The following KDM4A variants were observed in gnomAD, a reference collection of about 807,000 sequenced individuals.
KDM4A encodes the protein lysine-specific demethylase 4A.
KDM4A carries 23 observed loss-of-function variants against 127.1 expected under a neutral mutation model. The ratio of observed to expected loss-of-function variants is 0.18; its 90% CI spans 0.13 to 0.26. The LOEUF (loss-of-function observed/expected upper bound fraction) is 0.26, where lower values mean the gene tolerates loss of function less well. KDM4A is among the 10% of genes least tolerant of loss of function. The pLI is 1.00. For synonymous variants in KDM4A, 443 were observed against 466.5 expected (o/e 0.95, Z 0.65); for missense variants, 890 against 1,329.1 (o/e 0.67, Z 5.14).
intron 4 of KDM4A, among the ~76,000 whole-genome samples, chr1:43,662,590 G>C (rs1660409055): frequency 6.6e-6 from 1 of 152,210 alleles, no homozygotes; most frequent in African/African-American, 2.4e-5. Flanking sequence ...CTGAGCAACA[G>C]AGCGAGACTC....
chr1:43,664,115 A>G (rs1286674373), intron 5 of KDM4A, among the ~76,000 whole-genome samples: 1 of 152,196 alleles, frequency 6.6e-6, no homozygotes, highest in Non-Finnish European at 1.5e-5. Context: ...AGAAGGATAG[A>G]TGGGATTAAA....
rs11551207 is a variant in KDM4A, at chr1:43,704,782, T to C, written c.*412T>C. ...TTTTGTATTTATATGTGTGTGTGTG[T>C]GTGCGTGCGTGCGTGCGTGCGTGTA... On this transcript the variant is annotated 3_prime_UTR_variant, in exon 22 of 22. Transcript: ENST00000372396. 9.9e-5 allele frequency: 20 copies of C among 202,844 alleles called. No individual in the cohort carries two copies. Among genetic ancestry groups the C allele is most frequent in the East Asian group, 4.2e-4 (3 of 7,154 alleles). 12.6% of individuals were successfully genotyped at this position (202,844 alleles called of 1,614,324 possible). A position where few individuals can be genotyped will look rare whatever the true frequency, so the allele number is the denominator to read the frequency against.
At chr1:43,698,084 G>C in intron 19 of KDM4A, 71 bp downstream of exon 19, 1 of 1,443,752 alleles carries the variant, frequency 6.9e-7, no homozygotes, top group Non-Finnish European at 9.6e-7. Flanking sequence ...CTGGCAGACT[G>C]TGTGTGTATG....
At chr1:43,666,583 T>C in intron 7 of KDM4A, 28 bp downstream of exon 7, 1 of 1,559,770 alleles carries the variant, frequency 6.4e-7, no homozygotes, top group South Asian at 1.1e-5. Flanking sequence ...GCCAAAGTTC[T>C]CAGGCACCAC....
rs767471081 is a variant in KDM4A at position 43,660,977 on chromosome 1, A to AT, written c.429+579dup. On this transcript the variant is annotated intron_variant, in intron 4 of 21. Transcript: ENST00000372396. ...CACTCATAATTGTTTTCATATTTTA[A>AT]TTTTTTTTTTTTTTGAGACGGAGTT... Among the ~76,000 whole-genome samples, 725 of 144,772 alleles carry AT rather than the reference A, an allele frequency of 5.0e-3. 5 individuals are homozygous for AT. The highest frequency in any genetic ancestry group is 0.013 in the African/African-American group (511 of 39,514). The allele number at this position is 144,772 out of a possible 152,430, so 95.0% of individuals were successfully genotyped here. A position where few individuals can be genotyped will look rare whatever the true frequency, so the allele number is the denominator to read the frequency against.
chr1:43,660,535 A>AC, intron 4 of KDM4A, 123 bp downstream of exon 4: 1 of 1,370,438 alleles, frequency 7.3e-7, no homozygotes, highest in Non-Finnish European at 9.8e-7. Context: ...CAGATGATCT[A>AC]CCCCCAGCTG....
At chr1:43,658,962 T>G (rs1660310864) in intron 3 of KDM4A, among the ~76,000 whole-genome samples, 1 of 152,046 alleles carries the variant, frequency 6.6e-6, no homozygotes, top group South Asian at 2.1e-4. Context: ...AAAGAAGTTT[T>G]TTTTTTTTTA....
chr1:43,671,827 G>C lies in KDM4A; in HGVS notation c.1686G>C (p.Arg562Ser). The change falls in exon 11 of 22, where the codon AGG becomes AGC. Residue 562 changes from arginine to serine, a missense_variant. Transcript: ENST00000372396. ...TCACTGTGGGAGAGCCATGCACGAG[G>C]AAGAAAGGAAGCGCCGCTAGAAGTT... is the stretch of plus-strand genomic sequence containing the variant. ...GRVTVGEPCT[R>S]KKGSAARSFS... The C allele has an allele frequency of 6.3e-7, 1 of 1,590,504 alleles. No individual in the cohort carries two copies. The highest frequency in any genetic ancestry group is 8.6e-7 in the Non-Finnish European group (1 of 1,168,686).
chr1:43,654,549 C>T lies in KDM4A; in HGVS notation c.139-1042C>T, dbSNP rs887983185. On this transcript the variant is annotated intron_variant, in intron 2 of 21. Transcript: ENST00000372396. ...AACTCATTCTTCTTTTTTCTCATGT[C>T]GACTGTCTTGTTAATTTATTACTAT... Among the ~76,000 whole-genome samples the T allele has an allele frequency of 1.0e-3, 150 of 147,898 alleles. 2 individuals carry two copies. Among genetic ancestry groups the T allele is most frequent in the Non-Finnish European group, 3.3e-4 (22 of 67,144 alleles).
intron 12 of KDM4A, among the ~76,000 whole-genome samples, chr1:43,684,754 CAG>C (rs1293366291): frequency 2.6e-5 from 4 of 152,320 alleles, no homozygotes; most frequent in African/African-American, 9.6e-5. Context: ...AGAGGAATGA[CAG>C]AGTCATTTAG....
At position 43,657,210 on chromosome 1, in the gene KDM4A, AT is replaced by A. The variant is rs986351864; in HGVS notation, c.314+1455del. On this transcript the variant is annotated intron_variant, in intron 3 of 21. Transcript: ENST00000372396. The stretch of plus-strand genomic sequence containing the variant: ...GCTGACACCTTAACTCCTTTTATTT[AT>A]TTTTTTTTTTGAGACAGAATCTCGC... Among the ~76,000 whole-genome samples the A allele has an allele frequency of 1.4e-3, 205 of 144,986 alleles. 1 individual carries two copies. The highest frequency in any genetic ancestry group is 2.2e-3 in the Non-Finnish European group (147 of 65,550).
chr1:43,656,423 T>C (rs1235867909), intron 3 of KDM4A, among the ~76,000 whole-genome samples: 1 of 135,814 alleles, frequency 7.4e-6, no homozygotes, highest in Non-Finnish European at 1.5e-5. Flanking sequence ...CTGCAACCTC[T>C]GTCTCCCAGG....
chr1:43,658,568 A>G (rs1223449516), intron 3 of KDM4A, among the ~76,000 whole-genome samples: 4 of 136,736 alleles, frequency 2.9e-5, no homozygotes, highest in African/African-American at 1.1e-4. Flanking sequence ...CAGTGGTGCT[A>G]TTTAGGCTCA....
intron 20 of KDM4A, 29 bp downstream of exon 20, chr1:43,703,765 TG>T (rs569829326): frequency 1.2e-6 from 2 of 1,612,738 alleles, no homozygotes; most frequent in East Asian, 2.2e-5. Context: ...TTCTAGGGAG[TG>T]GGGGGTGCTT....
Position 43,688,981 on chromosome 1 carries a change from C to A in KDM4A, c.1923C>A (p.Ser641Arg). The A allele has an allele frequency of 1.2e-6, 2 of 1,614,172 alleles. No homozygotes were observed. Among genetic ancestry groups the A allele is most frequent in the Non-Finnish European group, 1.7e-6 (2 of 1,180,016 alleles). ...CAGAGGCCTGGGCCAAGCCTCTGAG[C>A]CAACTGTGGCAGAACCGACCTCCAA... ...EETEAWAKPL[S>R]QLWQNRPPNF... Residue 641 changes from serine (S) to arginine (R), a missense_variant, in exon 13 of 22, where the codon AGC (serine) becomes AGA (arginine). Physicochemically the swap from Ser to Arg is moderately radical, Grantham distance 110. Transcript: ENST00000372396. The surrounding 1 kb of genome is among the most constrained non-coding windows in gnomAD (Gnocchi z 4.4).
In KDM4A at chr1:43,694,098, A is replaced by G. The variant is rs755589298; in HGVS notation, c.2480A>G (p.Lys827Arg). The change falls in exon 17 of 22, where the codon AAA becomes AGA. Residue 827 changes from lysine (K) to arginine (R), a missense_variant. Transcript: ENST00000372396. The surrounding 1 kb of genome is among the most constrained non-coding windows in gnomAD (Gnocchi z 5.2). ...DVSKIPLPRFKLKCIFCKKRR... is the reference protein window; with the variant it reads ...DVSKIPLPRFRLKCIFCKKRR... ...AGCAAAATCCCCCTGCCCCGCTTCA[A>G]ACTGGTAAGGGCTTGTAGACTCTAC... The G allele has an allele frequency of 1.9e-6, 3 of 1,612,276 alleles. No homozygotes were observed. Among genetic ancestry groups the G allele is most frequent in the Non-Finnish European group, 2.5e-6 (3 of 1,178,334 alleles).
At position 43,704,215 on chromosome 1, in the gene KDM4A, C is replaced by CT. The variant is rs761053182; in HGVS notation, c.3055-13dup. ...CCTGGGGTAGCTGACACTTGGCTTG[C>CT]TTATTCTTCTATAGTCAGTAGCCTC... On this transcript the variant is annotated splice_polypyrimidine_tract_variant and intron_variant, in intron 21 of 21. Coordinates refer to ENST00000372396, the MANE Select transcript of KDM4A (RefSeq NM_014663.3). 2.3e-5 allele frequency: 37 copies of CT among 1,613,700 alleles called. No homozygotes were observed. The highest frequency in any genetic ancestry group is 3.1e-5 in the Non-Finnish European group (36 of 1,179,868).
Position 43,688,330 on chromosome 1 carries a change from G to A in KDM4A, c.1856-584G>A, listed in dbSNP as rs193027465. On this transcript the variant is annotated intron_variant, in intron 12 of 21. Transcript: ENST00000372396. This position sits in a 1 kb window ranked among gnomAD's most constrained non-coding sequence, Gnocchi z 4.4. Reference sequence around the variant, plus strand: ...GTGGCTGGGAAGAGGATTCATCTTGGACATGTAGCTCTGCTCTAGGAGGGG... The same window carrying A: ...GTGGCTGGGAAGAGGATTCATCTTGAACATGTAGCTCTGCTCTAGGAGGGG... Among the ~76,000 whole-genome samples, 31 of 152,296 alleles carry A rather than the reference G, an allele frequency of 2.0e-4. No individual in the cohort carries two copies. Among genetic ancestry groups the A allele is most frequent in the African/African-American group, 7.0e-4 (29 of 41,562 alleles).
At chr1:43,654,178 T>C (rs1255553896) in intron 2 of KDM4A, among the ~76,000 whole-genome samples, 1 of 152,222 alleles carries the variant, frequency 6.6e-6, no homozygotes, top group Non-Finnish European at 1.5e-5. Flanking sequence ...GTGCAGTTTT[T>C]CATAGCACAT....
Sources: allele counts gnomAD v4.1 joint callset (sites outside exome capture counted in the v4.1 genomes callset), GRCh38; gene constraint gnomAD v4.1.1; non-coding constraint Gnocchi (gnomAD v3.1); transcripts MANE v1.5; gene names NCBI Gene and HGNC (gene_info 2026-07-23, HGNC 2026-07-21).